Variants in GABRB1 observed in about 807,000 individuals in gnomAD.
GABRB1 encodes gamma-aminobutyric acid receptor subunit beta-1.
Under a neutral mutation model 51.6 loss-of-function variants are expected in GABRB1, and 17 were observed. The ratio of observed to expected loss-of-function variants is 0.33; its 90% CI spans 0.23 to 0.49. GABRB1 has a LOEUF of 0.49. Among genes scored for constraint, GABRB1 ranks in the 20% least tolerant of loss-of-function variants. The pLI, the probability that GABRB1 is intolerant of heterozygous loss-of-function variation, is 0.99. For missense variants in GABRB1, 410 were observed against 600.6 expected (o/e 0.68, Z 3.32); for synonymous variants, 247 against 218.9 (o/e 1.13, Z -1.14).
chr4:47,253,734 T>C (rs1228910068), intron 4 of GABRB1, among the ~76,000 whole-genome samples: 1 of 152,222 alleles, frequency 6.6e-6, no homozygotes, highest in Non-Finnish European at 1.5e-5. Context: ...TAAAGTTACC[T>C]ATGTGAAGTA....
chr4:47,326,845 C>A (rs555665537), intron 5 of GABRB1, among the ~76,000 whole-genome samples: 106 of 152,244 alleles, frequency 7.0e-4, no homozygotes, highest in Non-Finnish European at 1.2e-3. Context: ...TCATAGCAAT[C>A]CAAATGAACT....
chr4:47,077,446 A>T (rs1342569966), intron 3 of GABRB1, among the ~76,000 whole-genome samples: 1 of 152,186 alleles, frequency 6.6e-6, no homozygotes, highest in African/African-American at 2.4e-5. Flanking sequence ...AAAACGAAAT[A>T]GTTGGGTTTT....
At chr4:47,162,103 A>G (rs948682811) in intron 4 of GABRB1, among the ~76,000 whole-genome samples, 1 of 152,072 alleles carries the variant, frequency 6.6e-6, no homozygotes, top group African/African-American at 2.4e-5. Flanking sequence ...TACCCCAAGG[A>G]CTTTCAACTT....
chr4:47,036,587 T>C (rs1725577630), intron 3 of GABRB1, among the ~76,000 whole-genome samples: 1 of 152,166 alleles, frequency 6.6e-6, no homozygotes, highest in Middle Eastern at 3.2e-3. Context: ...ATTGGCTGGG[T>C]ACAGTGGCCC....
At chr4:47,313,415 G>A (rs961001912) in intron 4 of GABRB1, among the ~76,000 whole-genome samples, 2 of 152,172 alleles carry the variant, frequency 1.3e-5, no homozygotes, top group Admixed American at 1.3e-4. Flanking sequence ...CACAGTGTGA[G>A]TACATTTCCA....
At chr4:47,240,441 T>G (rs1721478829) in intron 4 of GABRB1, among the ~76,000 whole-genome samples, 1 of 152,190 alleles carries the variant, frequency 6.6e-6, no homozygotes, top group African/African-American at 2.4e-5. Flanking sequence ...AATTCCATTT[T>G]TCAAGAGTGG....
At chr4:47,228,314 A>G (rs540510424) in intron 4 of GABRB1, among the ~76,000 whole-genome samples, 1 of 152,230 alleles carries the variant, frequency 6.6e-6, no homozygotes, top group South Asian at 2.1e-4. Flanking sequence ...CTAAAATAAC[A>G]TCAGGGTGGG....
intron 4 of GABRB1, among the ~76,000 whole-genome samples, chr4:47,179,747 C>T (rs1035482699): frequency 6.6e-6 from 1 of 152,160 alleles, no homozygotes; most frequent in African/African-American, 2.4e-5. Context: ...GCTGGAGAAA[C>T]CTTCCTCTCC....
intron 4 of GABRB1, among the ~76,000 whole-genome samples, chr4:47,170,852 T>A (rs1246463715): frequency 6.6e-6 from 1 of 152,130 alleles, no homozygotes; most frequent in Non-Finnish European, 1.5e-5. Context: ...GATATTCCCC[T>A]CACAGTTTAG....
intron 5 of GABRB1, among the ~76,000 whole-genome samples, chr4:47,337,416 A>T (rs1008343254): frequency 2.0e-5 from 3 of 152,092 alleles, no homozygotes; most frequent in Admixed American, 1.3e-4. Context: ...CATTGAGGAT[A>T]TGGGGATTTT....
intron 3 of GABRB1, among the ~76,000 whole-genome samples, chr4:47,035,847 C>T (rs1270141665): frequency 6.6e-6 from 1 of 152,194 alleles, no homozygotes; most frequent in African/African-American, 2.4e-5. Context: ...TATTAACTAC[C>T]TTCTAACAAG....
At chr4:47,007,894 A>ATATATATAT (rs1491436729) in intron 1 of GABRB1, among the ~76,000 whole-genome samples, 25 of 33,384 alleles carry the variant, frequency 7.5e-4, no homozygotes, top group East Asian at 2.3e-3. Context: ...ATATATATAT[A>ATATATATAT]AAATCAAGTT....
intron 4 of GABRB1, among the ~76,000 whole-genome samples, chr4:47,276,865 G>A (rs952981024): frequency 1.3e-5 from 2 of 151,980 alleles, no homozygotes; most frequent in Non-Finnish European, 2.9e-5. Context: ...AATCAAAAGT[G>A]TCTACAGATA....
intron 7 of GABRB1, among the ~76,000 whole-genome samples, chr4:47,404,088 A>G (rs867263232): frequency 6.6e-6 from 1 of 152,222 alleles, no homozygotes; most frequent in African/African-American, 2.4e-5. Flanking sequence ...GAATTTGGAG[A>G]AAGCTAAACC....
intron 4 of GABRB1, among the ~76,000 whole-genome samples, chr4:47,240,201 A>T (rs1721472015): frequency 6.6e-6 from 1 of 152,284 alleles, no homozygotes; most frequent in African/African-American, 2.4e-5. Flanking sequence ...CCATTTTCAG[A>T]TGCTAAATTT....
intron 3 of GABRB1, among the ~76,000 whole-genome samples, chr4:47,147,135 A>G (rs578045746): frequency 6.6e-5 from 10 of 152,190 alleles, no homozygotes; most frequent in South Asian, 6.2e-4. Context: ...CATCATTTAC[A>G]TCTTATCCTT....
intron 3 of GABRB1, among the ~76,000 whole-genome samples, chr4:47,059,232 C>T (rs577601384): frequency 1.3e-5 from 2 of 152,278 alleles, no homozygotes; most frequent in Admixed American, 6.5e-5. Flanking sequence ...GTTTTACTTA[C>T]CTATGTGTTG....
At chr4:47,086,948 T>A (rs990243651) in intron 3 of GABRB1, among the ~76,000 whole-genome samples, 7 of 152,216 alleles carry the variant, frequency 4.6e-5, no homozygotes, top group African/African-American at 1.7e-4. Flanking sequence ...TTCCCTTTTA[T>A]CCTCACAGTG....
chr4:47,068,086 G>T (rs1443464674), intron 3 of GABRB1, among the ~76,000 whole-genome samples: 1 of 152,130 alleles, frequency 6.6e-6, no homozygotes, highest in Non-Finnish European at 1.5e-5. Flanking sequence ...ATAGTATTCT[G>T]ACAGCTTCCT....
Sources: allele counts gnomAD v4.1 joint callset (sites outside exome capture counted in the v4.1 genomes callset), GRCh38; gene constraint gnomAD v4.1.1; transcripts MANE v1.5; gene names NCBI Gene and HGNC (gene_info 2026-07-23, HGNC 2026-07-21).